Variants in APP observed in about 807,000 individuals in gnomAD.
The protein encoded by APP is amyloid beta precursor protein.
APP carries 31 observed loss-of-function variants against 101.4 expected under a neutral mutation model. That is an observed-to-expected ratio of 0.31 (90% CI 0.23 to 0.41). APP has a LOEUF of 0.41. Ranked by LOEUF, APP falls within the 10% of genes least tolerant of loss-of-function variation. The pLI is 1.00. For missense variants in APP, 839 were observed against 1,003.7 expected (o/e 0.84, Z 2.22); for synonymous variants, 366 against 364.4 (o/e 1.00, Z -0.05).
intron 11 of APP, among the ~76,000 whole-genome samples, chr21:25,967,498 C>T (rs940828747): frequency 6.6e-6 from 1 of 152,194 alleles, no homozygotes; most frequent in African/African-American, 2.4e-5. Context: ...AAAGCTTTGG[C>T]TGTGTATCCC....
intron 5 of APP, among the ~76,000 whole-genome samples, chr21:26,031,519 C>T (rs952025655): frequency 6.6e-6 from 1 of 152,098 alleles, no homozygotes. Context: ...GCCTCAGAAT[C>T]ATGGCGGGAG....
chr21:26,119,112 C>T (rs2062505198), intron 1 of APP, among the ~76,000 whole-genome samples: 1 of 152,124 alleles, frequency 6.6e-6, no homozygotes. Flanking sequence ...CAGAAGGGCT[C>T]AAAACCCGCC....
intron 15 of APP, among the ~76,000 whole-genome samples, chr21:25,900,016 C>CTTA (rs1291513112): frequency 6.6e-6 from 1 of 152,070 alleles, no homozygotes; most frequent in Non-Finnish European, 1.5e-5. Flanking sequence ...GTTCTCTATT[C>CTTA]TTATTTATTT....
intron 1 of APP, among the ~76,000 whole-genome samples, chr21:26,132,076 C>CA (rs1028233528): frequency 2.0e-5 from 3 of 151,668 alleles, no homozygotes; most frequent in Non-Finnish European, 4.4e-5. Context: ...AAAAAATAAA[C>CA]AAAAAAATAA....
intron 1 of APP, among the ~76,000 whole-genome samples, chr21:26,133,133 G>C (rs1361979365): frequency 6.6e-6 from 1 of 152,140 alleles, no homozygotes; most frequent in Non-Finnish European, 1.5e-5. Context: ...AGCTACTTAG[G>C]AGGCTGTGGA....
intron 3 of APP, 154 bp from the exon 4 acceptor site, chr21:26,053,502 C>T (rs759610636): frequency 2.1e-5 from 13 of 613,260 alleles, no homozygotes; most frequent in African/African-American, 7.4e-5. Flanking sequence ...TAGAATGTTA[C>T]GTCTGGCCTC....
At chr21:26,007,213 A>G (rs2146709947) in intron 6 of APP, among the ~76,000 whole-genome samples, 1 of 151,824 alleles carries the variant, frequency 6.6e-6, no homozygotes, top group Admixed American at 6.5e-5. Flanking sequence ...TAGAGTAAAA[A>G]GGGCAAATGT....
chr21:26,011,771 C>T (rs1291929301), intron 6 of APP, among the ~76,000 whole-genome samples: 1 of 144,662 alleles, frequency 6.9e-6, no homozygotes, highest in African/African-American at 2.6e-5. Flanking sequence ...TAAGAATTGG[C>T]AAGCAAGACT....
chr21:26,019,461 A>G (rs531002932), intron 6 of APP, among the ~76,000 whole-genome samples: 1 of 152,194 alleles, frequency 6.6e-6, no homozygotes, highest in African/African-American at 2.4e-5. Flanking sequence ...TCAATCCAGA[A>G]GTTCCCTCTT....
At chr21:26,072,366 T>C (rs2061424766) in intron 3 of APP, among the ~76,000 whole-genome samples, 1 of 152,212 alleles carries the variant, frequency 6.6e-6, no homozygotes, top group African/African-American at 2.4e-5. Flanking sequence ...CTCTTCTTCC[T>C]AGTTATAAAT....
chr21:25,911,868 C>T lies in APP; in HGVS notation c.1782G>A (p.Met594Ile), dbSNP rs2039091711. The T allele has an allele frequency of 1.9e-6, 3 of 1,614,180 alleles. No homozygotes were observed. Among genetic ancestry groups the T allele is most frequent in the African/African-American group, 1.3e-5 (1 of 75,040 alleles). Reference protein sequence around the residue: ...PRISYGNDALMPSLTETKTTV... With the variant: ...PRISYGNDALIPSLTETKTTV... ...TGGTTTTCGTTTCGGTCAAAGATGG[C>T]ATGAGAGCATCGTTTCCGTAACTGA... Residue 594 changes from methionine to isoleucine, a missense_variant, in exon 14 of 18, where the codon ATG (methionine) becomes ATA (isoleucine). Transcript: ENST00000346798.
chr21:26,029,697 C>A (rs943490627), intron 5 of APP, among the ~76,000 whole-genome samples: 3 of 152,160 alleles, frequency 2.0e-5, no homozygotes, highest in African/African-American at 7.2e-5. Context: ...AGCAGTGGCA[C>A]AGAGCAGGTC....
At chr21:26,081,177 C>CT (rs2061591287) in intron 3 of APP, among the ~76,000 whole-genome samples, 1 of 152,202 alleles carries the variant, frequency 6.6e-6, no homozygotes, top group South Asian at 2.1e-4. Context: ...GAATTACACA[C>CT]TAATACTACC....
chr21:26,021,943 TA>T lies in APP; in HGVS notation c.761del (p.Val254GlufsTer50). Reference protein sequence around the residue: ...DDEDDEDGDEVEEEAEEPYEE... With the variant: ...DDEDDEDGDEXEEEAEEPYEE... ...CGTAGGGTTCCTCAGCCTCTTCCTC[TA>T]CCTCATCACCATCCTCATCGTCCTC... On this transcript the variant is annotated frameshift_variant, in exon 6 of 18. Transcript: ENST00000346798. LOFTEE classifies it high-confidence loss of function. 1 of 1,613,584 alleles carries T rather than the reference TA, an allele frequency of 6.2e-7. No individual in the cohort carries two copies. The highest frequency in any genetic ancestry group is 8.5e-7 in the Non-Finnish European group (1 of 1,179,704).
At chr21:26,102,594 TA>T (rs879512554) in intron 2 of APP, among the ~76,000 whole-genome samples, 11 of 152,016 alleles carry the variant, frequency 7.2e-5, no homozygotes, top group Admixed American at 5.2e-4. Context: ...TTTATGCTGT[TA>T]AATGATGAAT....
At chr21:25,993,334 G>T (rs1328720940) in intron 8 of APP, among the ~76,000 whole-genome samples, 1 of 152,120 alleles carries the variant, frequency 6.6e-6, no homozygotes, top group Non-Finnish European at 1.5e-5. Flanking sequence ...AACCTGTGTA[G>T]CAAGACTATA....
chr21:26,076,454 T>C (rs2830042), intron 3 of APP, among the ~76,000 whole-genome samples: 7,312 of 152,238 alleles, frequency 0.048, 245 homozygotes, highest in Non-Finnish European at 0.073. Flanking sequence ...TTTGATCACA[T>C]TGAGTTTGAA....
chr21:26,076,091 A>T (rs2061493459), intron 3 of APP, among the ~76,000 whole-genome samples: 1 of 152,058 alleles, frequency 6.6e-6, no homozygotes, highest in Admixed American at 6.6e-5. Context: ...ACGGGGTTTC[A>T]CTATGTTGGC....
intron 5 of APP, among the ~76,000 whole-genome samples, chr21:26,044,312 C>G (rs1430483547): frequency 1.3e-5 from 2 of 152,046 alleles, no homozygotes; most frequent in Admixed American, 1.3e-4. Context: ...CTTTAAAAAG[C>G]ATGATAAAAA....
Sources: allele counts gnomAD v4.1 joint callset (sites outside exome capture counted in the v4.1 genomes callset), GRCh38; gene constraint gnomAD v4.1.1; transcripts MANE v1.5; gene names NCBI Gene and HGNC (gene_info 2026-07-23, HGNC 2026-07-21).